Variants in ORC3 observed in about 807,000 individuals in gnomAD.
ORC3 encodes origin recognition complex subunit 3, also known as homolog of latheo, Drosophila.
Under a neutral mutation model 100.7 loss-of-function variants are expected in ORC3, and 78 were observed. That is an observed-to-expected ratio of 0.77 (90% CI 0.65 to 0.94). The LOEUF is 0.94. ORC3 is among the 40% of genes least tolerant of loss of function. ORC3 has a pLI of 0.00. For synonymous variants in ORC3, 295 were observed against 289.3 expected, an observed-to-expected ratio of 1.02 and a Z score of -0.20; for missense variants, 789 against 823.9, an observed-to-expected ratio of 0.96 and a Z score of 0.52.
chr6:87,668,814 C>G (rs1462575146), downstream of ORC3, among the ~76,000 whole-genome samples: 3 of 152,024 alleles, frequency 2.0e-5, no homozygotes, highest in Admixed American at 2.0e-4. Flanking sequence ...AAAACCCCAT[C>G]TCTACTAAAA....
At chr6:87,598,660 T>G (rs1583000033) in intron 2 of ORC3, among the ~76,000 whole-genome samples, 2 of 145,954 alleles carry the variant, frequency 1.4e-5, no homozygotes, top group East Asian at 3.9e-4. Context: ...TTGCTAGGCT[T>G]TTTTTTTTTT....
chr6:87,647,409 A>G (rs1333490974), intron 13 of ORC3, among the ~76,000 whole-genome samples: 1 of 152,204 alleles, frequency 6.6e-6, no homozygotes, highest in Admixed American at 6.5e-5. Flanking sequence ...GGATATTTGT[A>G]TGGCTAACTT....
intron 4 of ORC3, among the ~76,000 whole-genome samples, chr6:87,604,879 A>G (rs1778219333): frequency 6.6e-6 from 1 of 151,994 alleles, no homozygotes; most frequent in Non-Finnish European, 1.5e-5. Flanking sequence ...TATTGCTGGC[A>G]TGGATGATTC....
intron 11 of ORC3, 120 bp from the exon 12 acceptor site, chr6:87,634,725 A>T (rs1164722719): frequency 6.8e-6 from 4 of 586,190 alleles, no homozygotes; most frequent in Non-Finnish European, 1.2e-5. Flanking sequence ...TTCATGAATT[A>T]ATTTGTAGTT....
intron 11 of ORC3, among the ~76,000 whole-genome samples, chr6:87,622,507 C>A (rs570625234): frequency 6.6e-6 from 1 of 152,080 alleles, no homozygotes; most frequent in South Asian, 2.1e-4. Context: ...TATCAGTGAG[C>A]TGTACAACAT....
intron 3 of ORC3, 36 bp downstream of exon 3, chr6:87,601,917 T>G (rs992183590): frequency 3.4e-6 from 4 of 1,168,364 alleles, no homozygotes; most frequent in Non-Finnish European, 5.2e-6. Context: ...TGTAACACCC[T>G]AAGTCTCATT....
At chr6:87,654,551 T>G (rs1045566060) in intron 14 of ORC3, among the ~76,000 whole-genome samples, 1 of 152,194 alleles carries the variant, frequency 6.6e-6, no homozygotes, top group Non-Finnish European at 1.5e-5. Context: ...AGCTAGCTAG[T>G]GGTAGCACTC....
rs1318069736 is a variant in ORC3 at position 87,663,065 on chromosome 6, A to G, written c.1754A>G (p.His585Arg). 2 of 1,613,102 alleles carry G rather than the reference A, an allele frequency of 1.2e-6. No individual in the cohort carries two copies. Among genetic ancestry groups the G allele is most frequent in the Admixed American group, 1.7e-5 (1 of 60,012 alleles). Reference protein sequence around the residue: ...LHEVVYFSAAHALREHLNAAP... With the variant: ...LHEVVYFSAARALREHLNAAP... ...GAGGTGGTGTACTTCAGTGCTGCCC[A>G]TGCCCTTCGTGAGCATTTAAATGCT... The change falls in exon 17 of 20, where the codon CAT becomes CGT. Residue 585 changes from histidine to arginine, a missense_variant. This residue lies in a region of ORC3 where 366 missense variants were observed against 394.2 expected (regional missense o/e 0.93). Transcript: ENST00000392844.
At chr6:87,629,878 A>T (rs974159051) in intron 11 of ORC3, among the ~76,000 whole-genome samples, 2 of 152,174 alleles carry the variant, frequency 1.3e-5, no homozygotes, top group African/African-American at 4.8e-5. Flanking sequence ...TGCAAAAGAC[A>T]TGCTATCAGT....
chr6:87,616,475 A>C (rs1779161327), intron 9 of ORC3, 48 bp downstream of exon 9: 1 of 787,574 alleles, frequency 1.3e-6, no homozygotes, highest in African/African-American at 1.7e-5. Flanking sequence ...GATTCTAAAT[A>C]ATTTGCACAT....
At position 87,650,061 on chromosome 6, in the gene ORC3, C is replaced by CTT. The variant is rs565491984; in HGVS notation, c.1383-3039_1383-3038dup. On this transcript the variant is annotated intron_variant, in intron 13 of 19. Transcript: ENST00000392844. Reference sequence around the variant, plus strand: ...TTATTCACTTACTTTTTTACACTCTCTTTTTTTTTTTTTTTTTGAGAGAGG... The same window carrying CTT: ...TTATTCACTTACTTTTTTACACTCTCTTTTTTTTTTTTTTTTTTTGAGAGAGG... 3.2e-3 allele frequency among the ~76,000 whole-genome samples: 393 copies of CTT among 122,622 alleles called. 5 individuals are homozygous for CTT. Among genetic ancestry groups the CTT allele is most frequent in the African/African-American group, 8.5e-3 (271 of 31,976 alleles). 80.4% of individuals were successfully genotyped at this position (122,622 alleles called of 152,430 possible). A position where few individuals can be genotyped will look rare whatever the true frequency, so the allele number is the denominator to read the frequency against.
rs7738798 is a variant in ORC3 at position 87,605,095 on chromosome 6, C to T, written c.323-822C>T. On this transcript the variant is annotated intron_variant, in intron 4 of 19. Coordinates refer to ENST00000392844, the MANE Select transcript of ORC3 (RefSeq NM_012381.4). ...CACTCAAAAATTTGATAACTGTATGCGGTGCCCTGAAACTCTGATTTGCAG... is the reference window on the plus strand; with the variant it reads ...CACTCAAAAATTTGATAACTGTATGTGGTGCCCTGAAACTCTGATTTGCAG... Among the ~76,000 whole-genome samples the T allele has an allele frequency of 6.2e-3, 950 of 152,190 alleles. 14 individuals are homozygous for T. Among genetic ancestry groups the T allele is most frequent in the African/African-American group, 0.022 (903 of 41,524 alleles).
chr6:87,623,365 T>C (rs956675129), intron 11 of ORC3, among the ~76,000 whole-genome samples: 1 of 152,240 alleles, frequency 6.6e-6, no homozygotes, highest in Non-Finnish European at 1.5e-5. Context: ...GTTGTTTTGC[T>C]GGGAAGAAAT....
At chr6:87,675,535 T>C in the ORC3 span, 4 of 1,596,378 alleles carry the variant, frequency 2.5e-6, no homozygotes, top group South Asian at 1.1e-5. Flanking sequence ...CATGTCATAA[T>C]TGGGACCTCT....
intron 9 of ORC3, 108 bp from the exon 10 acceptor site, chr6:87,621,246 A>G (rs17454834): frequency 0.029 from 20,478 of 701,106 alleles, 431 homozygotes; most frequent in Middle Eastern, 0.038. Flanking sequence ...TATTAGTGCC[A>G]TAAATACTTT....
At chr6:87,676,628 A>C in the ORC3 span, among the ~76,000 whole-genome samples, 4,595 of 99,896 alleles carry the variant, frequency 0.046, 250 homozygotes, top group African/African-American at 0.18. Context: ...CACACACACA[A>C]ACATAGCTGG....
At chr6:87,611,796 A>G (rs1382930696) in intron 7 of ORC3, among the ~76,000 whole-genome samples, 1 of 152,104 alleles carries the variant, frequency 6.6e-6, no homozygotes, top group Non-Finnish European at 1.5e-5. Context: ...AAAAAAAAGA[A>G]AAAAGATGGT....
At chr6:87,630,764 C>T (rs1354974312) in intron 11 of ORC3, among the ~76,000 whole-genome samples, 1 of 152,100 alleles carries the variant, frequency 6.6e-6, no homozygotes, top group Admixed American at 6.6e-5. Context: ...CAGAGCTTGC[C>T]ACTCAAGAAT....
intron 11 of ORC3, 86 bp from the exon 12 acceptor site, chr6:87,634,759 A>C (rs1767682552): frequency 1.4e-6 from 1 of 701,000 alleles, no homozygotes; most frequent in Non-Finnish European, 2.5e-6. Context: ...GTTTTCCAGA[A>C]ATTTTTATAG....
Sources: gnomAD v4.1 joint callset for allele counts (sites outside exome capture counted in the v4.1 genomes callset) on GRCh38, gnomAD v4.1.1 for gene constraint, gnomAD v4.1.1 regional missense constraint, MANE v1.5 for transcripts, NCBI Gene and HGNC (gene_info 2026-07-23, HGNC 2026-07-21) for gene names.